FCHSD2: variants seen among roughly 807,000 people sequenced by gnomAD.
FCHSD2 encodes FCH and double SH3 domains 2.
Under a neutral mutation model 108.1 loss-of-function variants are expected in FCHSD2, and 38 were observed. The observed-to-expected ratio is 0.35, with a 90% CI of 0.27 to 0.46. The LOEUF is 0.46. Ranked by LOEUF, FCHSD2 falls within the 20% of genes least tolerant of loss-of-function variation. FCHSD2 has a pLI of 1.00. For synonymous variants in FCHSD2, 279 were observed against 314.7 expected, an observed-to-expected ratio of 0.89 and a Z score of 1.20; for missense variants, 751 against 897.8, an observed-to-expected ratio of 0.84 and a Z score of 2.09.
chr11:73,009,295 G>C (rs1451399076), intron 4 of FCHSD2, among the ~76,000 whole-genome samples: 2 of 152,074 alleles, frequency 1.3e-5, no homozygotes, highest in Admixed American at 6.5e-5. Flanking sequence ...CAAAGAGTTT[G>C]AGACCAGCCT....
chr11:73,036,560 T>C (rs1216044028), intron 3 of FCHSD2, among the ~76,000 whole-genome samples: 1 of 152,184 alleles, frequency 6.6e-6, no homozygotes, highest in African/African-American at 2.4e-5. Context: ...ATACTGCAAG[T>C]CCCTGATAAA....
chr11:72,840,975 AAAG>A lies in FCHSD2; in HGVS notation c.2057-19_2057-17del, dbSNP rs748938354. 3 of 1,594,096 alleles carry A rather than the reference AAAG, an allele frequency of 1.9e-6. No individual in the cohort carries two copies. The highest frequency in any genetic ancestry group is 1.7e-4 in the Middle Eastern group (1 of 6,022). On this transcript the variant is annotated splice_polypyrimidine_tract_variant and intron_variant, in intron 18 of 19. Transcript: ENST00000409418. The stretch of plus-strand genomic sequence containing the variant: ...AGGCTTTTTTCTAAGGGAGAAAACC[AAAG>A]AAGCTCATTTTACTTGAGTTGTTGA...
intron 17 of FCHSD2, 133 bp from the exon 18 acceptor site, chr11:72,841,716 G>C (rs1860958607): frequency 2.2e-6 from 2 of 893,182 alleles, no homozygotes; most frequent in South Asian, 2.0e-5. Context: ...AACCTCATTA[G>C]AGGCAACTGA....
intron 2 of FCHSD2, among the ~76,000 whole-genome samples, chr11:73,110,444 C>T (rs1472915873): frequency 6.6e-6 from 1 of 152,108 alleles, no homozygotes; most frequent in Non-Finnish European, 1.5e-5. Context: ...ATGAATTATG[C>T]ATTCCTTCTA....
chr11:73,134,538 C>A (rs1861078141), intron 2 of FCHSD2, among the ~76,000 whole-genome samples: 1 of 152,076 alleles, frequency 6.6e-6, no homozygotes, highest in Non-Finnish European at 1.5e-5. Context: ...TCCTGGGAAT[C>A]TACAGTTCAG....
At chr11:73,103,647 G>C (rs1167147642) in intron 2 of FCHSD2, among the ~76,000 whole-genome samples, 1 of 151,980 alleles carries the variant, frequency 6.6e-6, no homozygotes, top group African/African-American at 2.4e-5. Context: ...ATGAACCTAT[G>C]TAAAACCTAC....
chr11:72,911,955 T>C (rs565657372), intron 9 of FCHSD2, among the ~76,000 whole-genome samples: 1 of 152,236 alleles, frequency 6.6e-6, no homozygotes, highest in Non-Finnish European at 1.5e-5. Flanking sequence ...TCAGAATGCT[T>C]ACTGTTCACA....
intron 9 of FCHSD2, among the ~76,000 whole-genome samples, chr11:72,911,820 G>A (rs983765833): frequency 7.2e-5 from 11 of 152,102 alleles, no homozygotes; most frequent in Non-Finnish European, 1.3e-4. Context: ...GAATTCAAGC[G>A]ATTCTCCTGT....
chr11:72,976,691 G>A (rs964492304), intron 8 of FCHSD2, among the ~76,000 whole-genome samples: 2 of 152,092 alleles, frequency 1.3e-5, no homozygotes, highest in Non-Finnish European at 2.9e-5. Context: ...TATGGTACTG[G>A]CATAAAAATA....
chr11:73,084,984 C>T (rs1859782355), intron 2 of FCHSD2, among the ~76,000 whole-genome samples: 1 of 150,218 alleles, frequency 6.7e-6, no homozygotes, highest in Admixed American at 6.6e-5. Context: ...AAGGAAAGCA[C>T]TGAAATAAAG....
intron 2 of FCHSD2, among the ~76,000 whole-genome samples, chr11:73,090,219 C>CTTTTTTT (rs59603567): frequency 6.5e-5 from 5 of 77,022 alleles, no homozygotes; most frequent in Non-Finnish European, 9.2e-5. Context: ...TACAATACTT[C>CTTTTTTT]TTTTTTTTTT....
intron 4 of FCHSD2, among the ~76,000 whole-genome samples, chr11:73,007,137 A>G (rs1018613765): frequency 1.3e-5 from 2 of 152,206 alleles, no homozygotes; most frequent in East Asian, 1.9e-4. Context: ...AAATATATGT[A>G]TCTTACGATT....
intron 9 of FCHSD2, among the ~76,000 whole-genome samples, chr11:72,916,365 A>C (rs1174367333): frequency 6.8e-6 from 1 of 146,346 alleles, no homozygotes; most frequent in African/African-American, 2.6e-5. Context: ...GCTACAGTAC[A>C]GTAGTAGCAT....
chr11:73,115,415 C>G (rs945522098), intron 2 of FCHSD2, among the ~76,000 whole-genome samples: 1 of 152,194 alleles, frequency 6.6e-6, no homozygotes, highest in Non-Finnish European at 1.5e-5. Context: ...GTTCTCCTGA[C>G]GTTTGGCCTC....
chr11:73,097,431 T>C (rs1860113726), intron 2 of FCHSD2, among the ~76,000 whole-genome samples: 2 of 151,570 alleles, frequency 1.3e-5, no homozygotes, highest in Admixed American at 6.6e-5. Flanking sequence ...AGTCTATAGT[T>C]TTCTTCTGGT....
At chr11:73,111,248 A>C (rs910284033) in intron 2 of FCHSD2, among the ~76,000 whole-genome samples, 6 of 152,010 alleles carry the variant, frequency 3.9e-5, no homozygotes, top group African/African-American at 1.4e-4. Context: ...GGAAGATCCT[A>C]TCTCTCTTTT....
chr11:73,053,025 T>C (rs187130587), intron 3 of FCHSD2, among the ~76,000 whole-genome samples: 1 of 152,002 alleles, frequency 6.6e-6, no homozygotes. Context: ...TTTTGTATTT[T>C]TAGTAAGATG....
intron 8 of FCHSD2, among the ~76,000 whole-genome samples, chr11:72,975,249 A>C (rs1382946788): frequency 6.6e-6 from 1 of 152,182 alleles, no homozygotes; most frequent in Non-Finnish European, 1.5e-5. Flanking sequence ...TCCACATCTT[A>C]GCTATTGTGA....
chr11:72,940,534 A>G, intron 8 of FCHSD2: 1 of 955,614 alleles, frequency 1.0e-6, no homozygotes. Context: ...GCTATGGAGA[A>G]AGAAGTAGTC....
Sources: gnomAD v4.1 joint callset for allele counts (sites outside exome capture counted in the v4.1 genomes callset) on GRCh38, gnomAD v4.1.1 for gene constraint, MANE v1.5 for transcripts, NCBI Gene and HGNC (gene_info 2026-07-23, HGNC 2026-07-21) for gene names.